Variants in TP53I11 observed in about 807,000 individuals in gnomAD.
TP53I11 encodes tumor protein p53-inducible protein 11.
A neutral mutation model predicts 23.3 loss-of-function variants in TP53I11; 9 were observed. The ratio of observed to expected loss-of-function variants is 0.39; its 90% CI spans 0.23 to 0.67. The LOEUF (loss-of-function observed/expected upper bound fraction) is 0.67, where lower values mean the gene tolerates loss of function less well. Ranked by LOEUF, TP53I11 falls within the 30% of genes least tolerant of loss-of-function variation. The pLI, the probability that TP53I11 is intolerant of heterozygous loss-of-function variation, is 0.48. For synonymous variants in TP53I11, 100 were observed against 106.1 expected (o/e 0.94, Z 0.35); for missense variants, 170 against 255.2 (o/e 0.67, Z 2.27).
intron 1 of TP53I11, among the ~76,000 whole-genome samples, chr11:44,943,635 C>T (rs972541861): frequency 6.6e-6 from 1 of 152,230 alleles, no homozygotes; most frequent in Non-Finnish European, 1.5e-5. Flanking sequence ...GGCTATCTTG[C>T]ACACAGCCCC....
intron 1 of TP53I11, among the ~76,000 whole-genome samples, chr11:44,947,887 CAAT>C (rs1425987101): frequency 5.3e-5 from 8 of 152,176 alleles, no homozygotes; most frequent in African/African-American, 1.9e-4. Context: ...AGTTAATGTT[CAAT>C]AATAATGCTG....
Position 44,935,784 on chromosome 11 carries a change from C to G in TP53I11, c.335-122G>C, listed in dbSNP as rs529661353. On this transcript the variant is annotated intron_variant, in intron 5 of 6. Coordinates refer to ENST00000525680, the MANE Select transcript of TP53I11 (RefSeq NM_006034.5). ...AAGACAGCTGGGGTCCTGGACTCCACGCCTCCGCCCCTATTCACATTTCTC... is the reference window on the plus strand; with the variant it reads ...AAGACAGCTGGGGTCCTGGACTCCAGGCCTCCGCCCCTATTCACATTTCTC... 4 of 671,612 alleles carry G rather than the reference C, an allele frequency of 6.0e-6. No homozygotes were observed. In the African/African-American group the frequency reaches 7.1e-5, roughly 12 times the overall value. The allele number at this position is 671,612 out of a possible 1,614,324, so 41.6% of individuals were successfully genotyped here.
intron 1 of TP53I11, chr11:44,949,996 A>T (rs1455892472): frequency 6.6e-6 from 1 of 152,244 alleles, no homozygotes; most frequent in Non-Finnish European, 1.5e-5. Flanking sequence ...CCCAGGCCTC[A>T]GCGCCGGTGT....
chr11:44,936,729 C>G lies in TP53I11; in HGVS notation c.334+74G>C. 1 of 1,399,286 alleles carries G rather than the reference C, an allele frequency of 7.1e-7. No homozygotes were observed. The highest frequency in any genetic ancestry group is 9.3e-7 in the Non-Finnish European group (1 of 1,070,926). The allele number at this position is 1,399,286 out of a possible 1,614,324, so 86.7% of individuals were successfully genotyped here. ...GAAGGGGTGCCCGGGCACGGACCCCCGTGCTCTCCTCAGCCCCGCTGGGTC... is the reference window on the plus strand; with the variant it reads ...GAAGGGGTGCCCGGGCACGGACCCCGGTGCTCTCCTCAGCCCCGCTGGGTC... On this transcript the variant is annotated intron_variant, in intron 5 of 6. Transcript: ENST00000525680. This position sits in a 1 kb window ranked among gnomAD's most constrained non-coding sequence, Gnocchi z 4.4.
chr11:44,947,582 C>T (rs1862513023), intron 1 of TP53I11, among the ~76,000 whole-genome samples: 1 of 152,196 alleles, frequency 6.6e-6, no homozygotes, highest in Non-Finnish European at 1.5e-5. Context: ...TTGGGGGAGG[C>T]AGGTGGAAGG....
intron 1 of TP53I11, among the ~76,000 whole-genome samples, chr11:44,945,003 C>T (rs1011445749): frequency 5.3e-5 from 8 of 152,172 alleles, no homozygotes; most frequent in Admixed American, 4.6e-4. Context: ...AGACTATGCC[C>T]GTGAGGGCTG....
chr11:44,938,487 C>A, intron 1 of TP53I11, 121 bp from the exon 2 acceptor site: 1 of 1,204,576 alleles, frequency 8.3e-7, no homozygotes, highest in Non-Finnish European at 1.1e-6. Flanking sequence ...CCCCACGAGC[C>A]CAGGGCAGTA....
At chr11:44,942,435 C>CACACCAT (rs1201283755) in intron 1 of TP53I11, among the ~76,000 whole-genome samples, 1 of 34,404 alleles carries the variant, frequency 2.9e-5, no homozygotes, top group African/African-American at 2.0e-4. Flanking sequence ...ACCATACACA[C>CACACCAT]ACACACACAC....
intron 6 of TP53I11, among the ~76,000 whole-genome samples, 199 bp from the exon 7 acceptor site, chr11:44,935,216 G>A (rs1860952664): frequency 6.6e-6 from 1 of 152,220 alleles, no homozygotes; most frequent in South Asian, 2.1e-4. Context: ...CTCCCATGTG[G>A]CAGGAACTGG....
intron 2 of TP53I11, 23 bp downstream of exon 2, chr11:44,938,184 G>C: frequency 6.2e-7 from 1 of 1,605,246 alleles, no homozygotes; most frequent in Middle Eastern, 1.7e-4. Flanking sequence ...GTGGGTGCCG[G>C]AGGCCCCTGC....
upstream of TP53I11, chr11:44,951,051 C>G (rs1287152886): frequency 6.6e-6 from 1 of 152,000 alleles, no homozygotes; most frequent in East Asian, 1.9e-4. Flanking sequence ...CTCCCGGGGG[C>G]CGCCTGCAGG....
chr11:44,935,748 G>C, intron 5 of TP53I11, 86 bp from the exon 6 acceptor site: 1 of 928,468 alleles, frequency 1.1e-6, no homozygotes, highest in East Asian at 2.6e-5. Flanking sequence ...GCTTCCTCTG[G>C]CCACTGCTGC....
chr11:44,942,135 C>T (rs1861875088), intron 1 of TP53I11, among the ~76,000 whole-genome samples: 1 of 149,172 alleles, frequency 6.7e-6, no homozygotes, highest in African/African-American at 2.5e-5. Context: ...ACAAACCCAC[C>T]ACACATACAT....
chr11:44,942,347 ACC>A (rs1377728796), intron 1 of TP53I11, among the ~76,000 whole-genome samples: 4 of 139,124 alleles, frequency 2.9e-5, no homozygotes, highest in African/African-American at 5.4e-5. Context: ...ACACACACAC[ACC>A]CCCACAACAC....
intron 1 of TP53I11, chr11:44,941,098 A>G (rs1861707375): frequency 6.6e-6 from 1 of 152,196 alleles, no homozygotes; most frequent in African/African-American, 2.4e-5. Flanking sequence ...CGGGGCAAAA[A>G]GAAAAGCTCA....
At position 44,936,789 on chromosome 11, in the gene TP53I11, C is replaced by T. The variant is rs762572045; in HGVS notation, c.334+14G>A. ...CCCGTCGCCTCCCCCAGGGCCCGCC[C>T]CAGCAGTACTCACTGAGGAGGGCAC... On this transcript the variant is annotated intron_variant, in intron 5 of 6. Coordinates refer to ENST00000525680, the MANE Select transcript of TP53I11 (RefSeq NM_006034.5). This position sits in a 1 kb window ranked among gnomAD's most constrained non-coding sequence, Gnocchi z 4.4. 1 of 1,561,836 alleles carries T rather than the reference C, an allele frequency of 6.4e-7. No individual in the cohort carries two copies. Among genetic ancestry groups the T allele is most frequent in the Non-Finnish European group, 8.6e-7 (1 of 1,157,316 alleles).
At chr11:44,942,080 C>T (rs1861861008) in intron 1 of TP53I11, among the ~76,000 whole-genome samples, 1 of 134,708 alleles carries the variant, frequency 7.4e-6, no homozygotes, top group Non-Finnish European at 1.5e-5. Context: ...ACACACACAC[C>T]ATACAAACTA....
intron 2 of TP53I11, among the ~76,000 whole-genome samples, chr11:44,937,991 A>G (rs1861346489): frequency 6.6e-6 from 1 of 152,172 alleles, no homozygotes; most frequent in Non-Finnish European, 1.5e-5. Context: ...TGCCAACAAG[A>G]AGATTTAAAA....
At chr11:44,938,138 C>A (rs1322524737) in intron 2 of TP53I11, 69 bp downstream of exon 2, 1 of 1,525,764 alleles carries the variant, frequency 6.6e-7, no homozygotes, top group Non-Finnish European at 8.8e-7. Flanking sequence ...CTGGGCTAAC[C>A]TTCTCCCCTA....
Sources: allele counts gnomAD v4.1 joint callset (sites outside exome capture counted in the v4.1 genomes callset), GRCh38; gene constraint gnomAD v4.1.1; non-coding constraint Gnocchi (gnomAD v3.1); transcripts MANE v1.5; gene names NCBI Gene and HGNC (gene_info 2026-07-23, HGNC 2026-07-21).